Variants in NAV3 observed in about 807,000 individuals in gnomAD.
The protein encoded by NAV3 is neuron navigator 3, also known as pore membrane and/or filament interacting like protein 1.
In NAV3, 87 loss-of-function variants were observed where a neutral mutation model predicts 244.7. The ratio of observed to expected loss-of-function variants is 0.36; its 90% confidence interval spans 0.30 to 0.42. The LOEUF (loss-of-function observed/expected upper bound fraction) is 0.42. Ranked by LOEUF, NAV3 falls within the 20% of genes least tolerant of loss-of-function variation. The probability of loss-of-function intolerance (pLI) is 1.00; values close to 1 mark genes in which losing one functional copy is unlikely to be tolerated. For synonymous variants in NAV3, 1,126 were observed against 1,042.2 expected (o/e 1.08, Z -1.55); for missense variants, 2,663 against 2,893.3 (o/e 0.92, Z 1.83).
At position 78,140,263 on chromosome 12, in the gene NAV3, T is replaced by C. The variant is rs1956550137; in HGVS notation, c.4631-19T>C. The C allele has an allele frequency of 2.5e-6, 4 of 1,609,874 alleles. No individual in the cohort carries two copies. The highest frequency in any genetic ancestry group is 4.5e-5 in the East Asian group (2 of 44,852). ...AGACCTTATTGTTTTAACTCTATTG[T>C]TCTGTTTGTTTTCTCCAGTTCATGG... On this transcript the variant is annotated intron_variant, in intron 19 of 39. Transcript: ENST00000397909.
rs771327119 is a variant in NAV3, at chr12:78,119,482, A to T, written c.3286A>T (p.Ile1096Phe). 1 of 1,614,218 alleles carries T rather than the reference A, an allele frequency of 6.2e-7. No individual in the cohort carries two copies. Among genetic ancestry groups the T allele is most frequent in the Non-Finnish European group, 8.5e-7 (1 of 1,180,030 alleles). Reference sequence around the variant, plus strand: ...AAGTGGCTCTGCAACACTGGGTAAAATTCCAAAATCTGCTGCCATTGGCGG... The same window carrying T: ...AAGTGGCTCTGCAACACTGGGTAAATTTCCAAAATCTGCTGCCATTGGCGG... ...ITSGSATLGKIPKSAAIGGKS... is the reference protein window; with the variant it reads ...ITSGSATLGKFPKSAAIGGKS... The change falls in exon 15 of 40, where the codon ATT (isoleucine) becomes TTT (phenylalanine). Residue 1096 changes from isoleucine to phenylalanine, a missense_variant. By Grantham distance (21) the Ile-to-Phe change is conservative. Transcript: ENST00000397909.
chr12:78,163,625 T>G (rs1957659225), intron 23 of NAV3, among the ~76,000 whole-genome samples: 1 of 152,044 alleles, frequency 6.6e-6, no homozygotes, highest in Non-Finnish European at 1.5e-5. Flanking sequence ...CTGGCAGCAT[T>G]TTCTGAAAGT....
At position 77,759,984 on chromosome 12, in the gene NAV3, G is replaced by A. The variant is rs551030291; in HGVS notation, c.73-180335G>A. Reference sequence around the variant, plus strand: ...AAGTAGCCTCTTTGTATATTAATACGTGTTTTCTTTCTAGGATCAGTTATA... The same window carrying A: ...AAGTAGCCTCTTTGTATATTAATACATGTTTTCTTTCTAGGATCAGTTATA... On this transcript the variant is annotated intron_variant, in intron 2 of 8. Transcript: ENST00000550042. Among the ~76,000 whole-genome samples, 13 of 149,324 alleles carry A rather than the reference G, an allele frequency of 8.7e-5. No homozygotes were observed. The South Asian group carries it at 2.3e-3, about 26-fold the overall frequency.
intron 12 of NAV3, among the ~76,000 whole-genome samples, chr12:78,092,761 A>G (rs1954027720): frequency 6.6e-6 from 1 of 151,896 alleles, no homozygotes; most frequent in South Asian, 2.1e-4. Flanking sequence ...TGGCCTCCCA[A>G]AGTGCTGGGA....
intron 9 of NAV3, among the ~76,000 whole-genome samples, chr12:78,042,683 A>G (rs1472005492): frequency 6.6e-6 from 1 of 152,138 alleles, no homozygotes; most frequent in Non-Finnish European, 1.5e-5. Context: ...CAGCTACTTG[A>G]GAGGCCGAAG....
intron 9 of NAV3, among the ~76,000 whole-genome samples, chr12:78,034,099 A>G (rs1160885700): frequency 1.3e-5 from 2 of 152,232 alleles, no homozygotes. Flanking sequence ...CAATATAACA[A>G]TCTAATTCAG....
chr12:78,090,525 T>C (rs1593536213), intron 12 of NAV3, among the ~76,000 whole-genome samples: 1 of 152,078 alleles, frequency 6.6e-6, no homozygotes, highest in Non-Finnish European at 1.5e-5. Flanking sequence ...AAGTATATGA[T>C]GAGCTTTTTG....
intron 1 of NAV3, among the ~76,000 whole-genome samples, chr12:77,857,237 G>A (rs1007405879): frequency 6.6e-6 from 1 of 151,956 alleles, no homozygotes; most frequent in Non-Finnish European, 1.5e-5. Context: ...CTAAAATGAA[G>A]ATCATAATAT....
chr12:77,983,790 CT>C (rs970147513), intron 5 of NAV3, among the ~76,000 whole-genome samples: 21 of 152,108 alleles, frequency 1.4e-4, no homozygotes, highest in African/African-American at 5.1e-4. Flanking sequence ...GTTATGGTAA[CT>C]TTTTGCTAAG....
At chr12:77,820,911 G>T (rs1386891316) in intron 2 of NAV3, among the ~76,000 whole-genome samples, 1 of 151,996 alleles carries the variant, frequency 6.6e-6, no homozygotes, top group African/African-American at 2.4e-5. Flanking sequence ...AATAATAGAA[G>T]AGTCATAATC....
intron 2 of NAV3, among the ~76,000 whole-genome samples, chr12:77,739,086 C>T (rs1409656789): frequency 6.6e-6 from 1 of 150,434 alleles, no homozygotes; most frequent in Non-Finnish European, 1.5e-5. Flanking sequence ...TGGCTCTAGC[C>T]CTAACTAGTT....
intron 1 of NAV3, among the ~76,000 whole-genome samples, chr12:77,888,375 G>A (rs1292852552): frequency 6.6e-6 from 1 of 152,072 alleles, no homozygotes; most frequent in Non-Finnish European, 1.5e-5. Context: ...TACTGGGGAG[G>A]TTGAAGCAGG....
chr12:77,768,109 T>A (rs1039393721), intron 2 of NAV3, among the ~76,000 whole-genome samples: 2 of 152,190 alleles, frequency 1.3e-5, no homozygotes, highest in Admixed American at 6.5e-5. Context: ...CACAGGTAGG[T>A]CATCCCATCA....
At chr12:77,586,111 G>A (rs1869599685) in intron 2 of NAV3, among the ~76,000 whole-genome samples, 1 of 152,024 alleles carries the variant, frequency 6.6e-6, no homozygotes, top group African/African-American at 2.4e-5. Flanking sequence ...GCAGTGAGCC[G>A]AGATCGCGCC....
intron 7 of NAV3, among the ~76,000 whole-genome samples, chr12:78,002,857 C>A (rs992880776): frequency 8.6e-5 from 13 of 151,658 alleles, no homozygotes; most frequent in African/African-American, 3.1e-4. Context: ...ATATTTATAT[C>A]TATGTATATA....
At chr12:77,744,785 A>G (rs1868452173) in intron 2 of NAV3, among the ~76,000 whole-genome samples, 1 of 151,506 alleles carries the variant, frequency 6.6e-6, no homozygotes, top group Non-Finnish European at 1.5e-5. Context: ...ATTTTCATTG[A>G]TTTAAATGAT....
rs1399385119 is a variant in NAV3, at chr12:78,201,100, T to C, written c.6834+509T>C. 5.6e-4 allele frequency among the ~76,000 whole-genome samples: 69 copies of C among 124,286 alleles called. 1 individual carries two copies. The highest frequency in any genetic ancestry group is 3.0e-4 in the South Asian group (1 of 3,382). 81.5% of individuals were successfully genotyped at this position (124,286 alleles called of 152,430 possible). A position where few individuals can be genotyped will look rare whatever the true frequency, so the allele number is the denominator to read the frequency against. On this transcript the variant is annotated intron_variant, in intron 38 of 39. Transcript: ENST00000397909. ...TTTTTTTTTTTTTTTTGAGACAGGG[T>C]CTCACTCTGTCACTCAGGCTAGTGC...
rs1555238519 is a variant in NAV3 at position 77,948,690 on chromosome 12, C to CA, written c.414+7558dup. Among the ~76,000 whole-genome samples the CA allele has an allele frequency of 4.3e-5, 6 of 140,470 alleles. 1 individual carries two copies. Among genetic ancestry groups the CA allele is most frequent in the East Asian group, 2.3e-4 (1 of 4,396 alleles). The allele number at this position is 140,470 out of a possible 152,430, so 92.2% of individuals were successfully genotyped here. On this transcript the variant is annotated intron_variant, in intron 3 of 39. Transcript: ENST00000397909. Reference sequence around the variant, plus strand: ...CCTTCTTTTTCAATTGCCCCCCCACCACTGCCAAACTTAATAAAATTATCA... The same window carrying CA: ...CCTTCTTTTTCAATTGCCCCCCCACCAACTGCCAAACTTAATAAAATTATCA...
chr12:78,151,676 A>T (rs1957086638), intron 22 of NAV3, among the ~76,000 whole-genome samples: 1 of 151,828 alleles, frequency 6.6e-6, no homozygotes, highest in Admixed American at 6.6e-5. Context: ...GGAGATCTTT[A>T]GTTTTGTATT....
Sources: allele counts gnomAD v4.1 joint callset (sites outside exome capture counted in the v4.1 genomes callset), GRCh38; gene constraint gnomAD v4.1.1; transcripts MANE v1.5; gene names NCBI Gene and HGNC (gene_info 2026-07-23, HGNC 2026-07-21).